The following CCSER1 variants were observed in gnomAD, a reference collection of about 807,000 sequenced individuals.
The protein encoded by CCSER1 is serine-rich coiled-coil domain-containing protein 1.
A neutral mutation model predicts 82.0 loss-of-function variants in CCSER1; 41 were observed. The ratio of observed to expected loss-of-function variants is 0.50; its 90% CI spans 0.39 to 0.65. The LOEUF (loss-of-function observed/expected upper bound fraction) is 0.65. Among genes scored for constraint, CCSER1 ranks in the 30% least tolerant of loss-of-function variants. The probability of loss-of-function intolerance (pLI) is 0.00; values close to 1 mark genes in which losing one functional copy is unlikely to be tolerated. For synonymous variants in CCSER1, 414 were observed against 383.9 expected (o/e 1.08, Z -0.92); for missense variants, 1,119 against 1,064.2 (o/e 1.05, Z -0.72).
intron 10 of CCSER1, among the ~76,000 whole-genome samples, chr4:91,526,094 A>G (rs945553446): frequency 1.3e-5 from 2 of 152,182 alleles, no homozygotes; most frequent in Non-Finnish European, 2.9e-5. Context: ...TCTTCTTTCC[A>G]AATCCAGGAG....
chr4:91,390,703 C>T (rs925666114), intron 10 of CCSER1, among the ~76,000 whole-genome samples: 13 of 152,038 alleles, frequency 8.6e-5, no homozygotes, highest in African/African-American at 2.9e-4. Flanking sequence ...GTGAACCCAT[C>T]TGGGCACTGT....
chr4:91,003,418 G>A (rs528126569), intron 9 of CCSER1, among the ~76,000 whole-genome samples: 47 of 152,158 alleles, frequency 3.1e-4, no homozygotes, highest in African/African-American at 8.2e-4. Flanking sequence ...TGGGGATGGC[G>A]GTGAGGTTCC....
intron 8 of CCSER1, among the ~76,000 whole-genome samples, chr4:90,861,007 T>C (rs1468382150): frequency 1.3e-5 from 2 of 151,630 alleles, no homozygotes; most frequent in Non-Finnish European, 3.0e-5. Context: ...GTAAATTTTA[T>C]TGTATATGAA....
At chr4:91,418,303 T>TAAAAAAAAAAAAAA (rs142070235) in intron 10 of CCSER1, among the ~76,000 whole-genome samples, 1 of 113,644 alleles carries the variant, frequency 8.8e-6, no homozygotes, top group African/African-American at 3.6e-5. Context: ...ATTTTTTAAT[T>TAAAAAAAAAAAAAA]AAAAAAAAAA....
chr4:91,576,718 G>A (rs1763469058), intron 10 of CCSER1, among the ~76,000 whole-genome samples: 1 of 151,904 alleles, frequency 6.6e-6, no homozygotes, highest in South Asian at 2.1e-4. Flanking sequence ...ATACACACAG[G>A]CTGAAGGTAA....
intron 1 of CCSER1, among the ~76,000 whole-genome samples, chr4:90,173,635 G>A (rs1732147360): frequency 2.0e-5 from 3 of 151,900 alleles, no homozygotes; most frequent in South Asian, 2.1e-4. Context: ...TCCAAGAGGC[G>A]GAATCCTGTA....
At chr4:90,835,098 G>A (rs1043064480) in intron 8 of CCSER1, among the ~76,000 whole-genome samples, 3 of 152,130 alleles carry the variant, frequency 2.0e-5, no homozygotes, top group Non-Finnish European at 2.9e-5. Flanking sequence ...TTGGGAGGCC[G>A]AGGCGGATGG....
At chr4:91,117,123 CT>C (rs986510107) in intron 10 of CCSER1, among the ~76,000 whole-genome samples, 8 of 152,142 alleles carry the variant, frequency 5.3e-5, no homozygotes, top group African/African-American at 1.7e-4. Context: ...AACAATCAGC[CT>C]TTAATGTTAA....
chr4:91,491,570 A>G (rs906887390), intron 10 of CCSER1, among the ~76,000 whole-genome samples: 3 of 152,092 alleles, frequency 2.0e-5, no homozygotes, highest in African/African-American at 7.2e-5. Flanking sequence ...CATAGGTAAA[A>G]CTATACCATA....
At chr4:90,648,339 AAG>A (rs1491567671) in intron 6 of CCSER1, among the ~76,000 whole-genome samples, 8 of 148,416 alleles carry the variant, frequency 5.4e-5, no homozygotes, top group African/African-American at 1.5e-4. Context: ...GAAAGAAAGA[AAG>A]AGAGTTGCCC....
At chr4:91,317,907 G>A (rs1041195669) in intron 10 of CCSER1, among the ~76,000 whole-genome samples, 1 of 152,056 alleles carries the variant, frequency 6.6e-6, no homozygotes, top group Non-Finnish European at 1.5e-5. Context: ...CTGGGTGAGA[G>A]CATCCAGTAC....
At chr4:90,244,653 A>G (rs548735219) in intron 1 of CCSER1, among the ~76,000 whole-genome samples, 12 of 152,248 alleles carry the variant, frequency 7.9e-5, no homozygotes, top group African/African-American at 2.9e-4. Flanking sequence ...GATGCAGGAA[A>G]AGCTGCCATT....
chr4:91,463,698 G>GTGAT (rs1756661183), intron 10 of CCSER1, among the ~76,000 whole-genome samples: 1 of 152,196 alleles, frequency 6.6e-6, no homozygotes, highest in Non-Finnish European at 1.5e-5. Context: ...CGAGAGCTAC[G>GTGAT]TGATTAATGC....
At chr4:91,544,903 G>A (rs1038010561) in intron 10 of CCSER1, among the ~76,000 whole-genome samples, 11 of 152,158 alleles carry the variant, frequency 7.2e-5, no homozygotes, top group African/African-American at 2.7e-4. Flanking sequence ...CCTGTCCCCA[G>A]AGTTGGAGTC....
intron 5 of CCSER1, among the ~76,000 whole-genome samples, chr4:90,495,124 T>A (rs1000288371): frequency 6.6e-6 from 1 of 152,208 alleles, no homozygotes; most frequent in Non-Finnish European, 1.5e-5. Flanking sequence ...TCTTGTCTAT[T>A]TTTTCCCTGT....
chr4:90,812,155 T>C, intron 7 of CCSER1, among the ~76,000 whole-genome samples: 1 of 151,490 alleles, frequency 6.6e-6, no homozygotes, highest in African/African-American at 2.4e-5. Flanking sequence ...ACAGGAGAAA[T>C]ATGTAGGCTG....
At chr4:90,255,505 G>C (rs1723123051) in intron 1 of CCSER1, among the ~76,000 whole-genome samples, 1 of 152,060 alleles carries the variant, frequency 6.6e-6, no homozygotes, top group Non-Finnish European at 1.5e-5. Flanking sequence ...TAATCATAAG[G>C]ATAGTAATTC....
At chr4:90,891,430 A>G (rs1005880855) in intron 8 of CCSER1, among the ~76,000 whole-genome samples, 1 of 151,584 alleles carries the variant, frequency 6.6e-6, no homozygotes, top group Non-Finnish European at 1.5e-5. Flanking sequence ...AATATATATT[A>G]TATACATATC....
intron 10 of CCSER1, among the ~76,000 whole-genome samples, chr4:91,284,300 A>T (rs1743118109): frequency 6.6e-6 from 1 of 152,108 alleles, no homozygotes; most frequent in Non-Finnish European, 1.5e-5. Flanking sequence ...CCATTAAAAG[A>T]AATACTTCTT....
Sources: allele counts gnomAD v4.1 joint callset (sites outside exome capture counted in the v4.1 genomes callset), GRCh38; gene constraint gnomAD v4.1.1; transcripts MANE v1.5; gene names NCBI Gene and HGNC (gene_info 2026-07-23, HGNC 2026-07-21).